The following SPATA13 variants were observed in gnomAD, a reference collection of about 807,000 sequenced individuals.
SPATA13 encodes the protein spermatogenesis associated 13, also known as spermatogenesis-associated protein 13.
In SPATA13, 50 loss-of-function variants were observed where a neutral mutation model predicts 104.0. The observed-to-expected ratio is 0.48, with a 90% CI of 0.38 to 0.61. The LOEUF is 0.61. Ranked by LOEUF, SPATA13 falls within the 20% of genes least tolerant of loss-of-function variation. The pLI, the probability that SPATA13 is intolerant of heterozygous loss-of-function variation, is 0.00. For synonymous variants in SPATA13, 606 were observed against 667.5 expected, an observed-to-expected ratio of 0.91 and a Z score of 1.42; for missense variants, 1,524 against 1,690.6, an observed-to-expected ratio of 0.90 and a Z score of 1.73.
chr13:24,166,396 C>T (rs1302385300), intron 1 of SPATA13, among the ~76,000 whole-genome samples: 1 of 152,072 alleles, frequency 6.6e-6, no homozygotes, highest in Non-Finnish European at 1.5e-5. Flanking sequence ...GGGCTGAATC[C>T]TAACAGAGGA....
chr13:24,164,319 C>G (rs1882633046), intron 1 of SPATA13, among the ~76,000 whole-genome samples: 1 of 152,226 alleles, frequency 6.6e-6, no homozygotes, highest in South Asian at 2.1e-4. Flanking sequence ...CACTGAGCCC[C>G]CTTGCTCCTG....
intron 3 of SPATA13, among the ~76,000 whole-genome samples, chr13:24,136,477 A>G (rs1331156370): frequency 6.6e-6 from 1 of 152,190 alleles, no homozygotes; most frequent in Non-Finnish European, 1.5e-5. Context: ...ACTTAGTCAA[A>G]AAAAGAAAGA....
intron 3 of SPATA13, among the ~76,000 whole-genome samples, chr13:24,029,082 G>A (rs372152018): frequency 2.0e-5 from 3 of 151,260 alleles, no homozygotes; most frequent in Non-Finnish European, 2.9e-5. Flanking sequence ...TTTAATTATC[G>A]AATTTATTTT....
chr13:24,115,096 G>A (rs1170241107), intron 3 of SPATA13, among the ~76,000 whole-genome samples: 1 of 152,194 alleles, frequency 6.6e-6, no homozygotes, highest in African/African-American at 2.4e-5. Context: ...AAGAGGAAGT[G>A]ACCGTGGAGG....
At chr13:24,024,132 A>G (rs1005225119) in intron 3 of SPATA13, among the ~76,000 whole-genome samples, 1 of 152,182 alleles carries the variant, frequency 6.6e-6, no homozygotes, top group Admixed American at 6.5e-5. Context: ...GGTTTCATTC[A>G]GAGCAATCCA....
At chr13:23,987,799 ACTTT>A (rs1875223993) in intron 2 of SPATA13, among the ~76,000 whole-genome samples, 1 of 152,070 alleles carries the variant, frequency 6.6e-6, no homozygotes, top group Admixed American at 6.6e-5. Context: ...CCACCATTCT[ACTTT>A]CTGTCTCTAT....
chr13:24,043,026 G>C (rs572907482), intron 3 of SPATA13, among the ~76,000 whole-genome samples: 91 of 152,352 alleles, frequency 6.0e-4, no homozygotes, highest in Admixed American at 1.6e-3. Flanking sequence ...AATAATGCCA[G>C]TATTGGCTCA....
intron 1 of SPATA13, among the ~76,000 whole-genome samples, chr13:24,200,864 A>G (rs916454028): frequency 5.3e-5 from 8 of 151,944 alleles, no homozygotes; most frequent in Non-Finnish European, 1.2e-4. Context: ...ATGAAAATAC[A>G]CAGTTTCACG....
intron 1 of SPATA13, among the ~76,000 whole-genome samples, chr13:24,183,785 A>G (rs1220576): frequency 0.24 from 36,607 of 151,892 alleles, 6,781 homozygotes; most frequent in African/African-American, 0.52. Flanking sequence ...TGGGGTGAGA[A>G]GGGGGCGGGG....
intron 3 of SPATA13, among the ~76,000 whole-genome samples, chr13:24,136,319 A>T (rs941895918): frequency 4.6e-5 from 7 of 152,140 alleles, no homozygotes; most frequent in African/African-American, 1.7e-4. Flanking sequence ...TCTACTAAAA[A>T]TACAAAATTA....
intron 11 of SPATA13, among the ~76,000 whole-genome samples, chr13:24,298,704 G>A (rs780371673): frequency 6.6e-6 from 1 of 152,194 alleles, no homozygotes; most frequent in Non-Finnish European, 1.5e-5. Flanking sequence ...CTGCCATGAG[G>A]ACAGCAGGAC....
chr13:24,139,067 G>A (rs1881668551), intron 3 of SPATA13, among the ~76,000 whole-genome samples: 1 of 152,186 alleles, frequency 6.6e-6, no homozygotes, highest in Admixed American at 6.5e-5. Flanking sequence ...CAGCAGAGTT[G>A]TGCTCTGACA....
intron 2 of SPATA13, among the ~76,000 whole-genome samples, chr13:24,248,027 C>T (rs1156815211): frequency 2.0e-5 from 3 of 152,208 alleles, no homozygotes; most frequent in African/African-American, 7.2e-5. Flanking sequence ...CCTCCCTGGG[C>T]CCATGGCCTG....
chr13:24,297,285 CA>C, intron 10 of SPATA13, 77 bp from the exon 11 acceptor site: 1 of 1,506,662 alleles, frequency 6.6e-7, no homozygotes, highest in Non-Finnish European at 8.9e-7. Context: ...ACGATCCTCC[CA>C]CCTTGGCTTC....
intron 3 of SPATA13, among the ~76,000 whole-genome samples, chr13:24,136,996 A>T (rs1407188615): frequency 2.0e-5 from 2 of 100,544 alleles, no homozygotes; most frequent in Non-Finnish European, 4.3e-5. Flanking sequence ...CGCCCGGCTA[A>T]TTTTTTTGTA....
chr13:24,189,172 T>C (rs1312217099), intron 1 of SPATA13, among the ~76,000 whole-genome samples: 1 of 152,112 alleles, frequency 6.6e-6, no homozygotes, highest in Non-Finnish European at 1.5e-5. Context: ...TGTCTTATCA[T>C]TTAAGAAATA....
chr13:24,255,915 C>A (rs149670434), intron 4 of SPATA13, among the ~76,000 whole-genome samples: 1 of 152,286 alleles, frequency 6.6e-6, no homozygotes. Context: ...TATTTGGCAA[C>A]ATGAAGGAAT....
intron 3 of SPATA13, among the ~76,000 whole-genome samples, chr13:24,129,042 TG>T (rs1374408739): frequency 6.6e-6 from 1 of 152,272 alleles, no homozygotes; most frequent in African/African-American, 2.4e-5. Context: ...GTTGTCACCC[TG>T]TGGCACCGCA....
intron 2 of SPATA13, among the ~76,000 whole-genome samples, chr13:24,015,474 G>A (rs144005076): frequency 6.6e-6 from 1 of 152,322 alleles, no homozygotes; most frequent in Non-Finnish European, 1.5e-5. Context: ...TTCCAAGCTT[G>A]TTTCTCCTGT....
Sources: allele counts gnomAD v4.1 joint callset (sites outside exome capture counted in the v4.1 genomes callset), GRCh38; gene constraint gnomAD v4.1.1; transcripts MANE v1.5; gene names NCBI Gene and HGNC (gene_info 2026-07-23, HGNC 2026-07-21).